SPAG16: variants seen among roughly 807,000 people sequenced by gnomAD.
SPAG16 encodes sperm-associated antigen 16 protein.
In SPAG16, 86 loss-of-function variants were observed where a neutral mutation model predicts 80.4. That is an observed-to-expected ratio of 1.07 (90% CI 0.90 to 1.28). The LOEUF (loss-of-function observed/expected upper bound fraction) is 1.28. Among genes scored for constraint, SPAG16 ranks in the 50% most tolerant of loss-of-function variants. The pLI, the probability that SPAG16 is intolerant of heterozygous loss-of-function variation, is 0.00. For missense variants in SPAG16, 870 were observed against 765.3 expected, an observed-to-expected ratio of 1.14 and a Z score of -1.61; for synonymous variants, 294 against 265.9, an observed-to-expected ratio of 1.11 and a Z score of -1.03.
intron 13 of SPAG16, among the ~76,000 whole-genome samples, chr2:214,024,036 A>T (rs1428871072): frequency 6.6e-6 from 1 of 151,694 alleles, no homozygotes; most frequent in Non-Finnish European, 1.5e-5. Context: ...TTCAATAAAG[A>T]TGGAATGTAG....
chr2:213,882,551 G>T (rs1177468467), intron 11 of SPAG16, among the ~76,000 whole-genome samples: 1 of 152,042 alleles, frequency 6.6e-6, no homozygotes, highest in African/African-American at 2.4e-5. Flanking sequence ...TTTGGTTCTA[G>T]TAAGATATAT....
intron 10 of SPAG16, among the ~76,000 whole-genome samples, chr2:213,838,582 A>G (rs911789770): frequency 2.6e-5 from 4 of 152,172 alleles, no homozygotes; most frequent in African/African-American, 9.7e-5. Context: ...AGATTTAAAG[A>G]TCTTAATTAG....
chr2:213,862,745 C>G (rs550658471), intron 11 of SPAG16, 117 bp downstream of exon 11: 19 of 1,116,300 alleles, frequency 1.7e-5, no homozygotes, highest in African/African-American at 1.2e-4. Flanking sequence ...ACACACCCTG[C>G]ACTGAATTTC....
chr2:214,222,058 A>G (rs16851621), intron 15 of SPAG16, among the ~76,000 whole-genome samples: 2,329 of 150,284 alleles, frequency 0.015, 56 homozygotes, highest in African/African-American at 0.052. Context: ...TGGTACATCT[A>G]TCTCACAGCT....
intron 11 of SPAG16, among the ~76,000 whole-genome samples, chr2:213,879,308 T>C (rs1275905468): frequency 6.6e-6 from 1 of 151,952 alleles, no homozygotes; most frequent in Non-Finnish European, 1.5e-5. Flanking sequence ...GCCCGTGTTA[T>C]CTATAATTTC....
intron 10 of SPAG16, among the ~76,000 whole-genome samples, chr2:213,683,031 A>C (rs1210824506): frequency 6.6e-6 from 1 of 152,202 alleles, no homozygotes; most frequent in Admixed American, 6.5e-5. Context: ...TCACAGCCAC[A>C]AACTGGATAT....
intron 10 of SPAG16, among the ~76,000 whole-genome samples, chr2:213,528,377 A>G (rs1474876755): frequency 6.6e-6 from 1 of 152,170 alleles, no homozygotes; most frequent in East Asian, 1.9e-4. Flanking sequence ...AGTATAATTT[A>G]ATTTTCAGAA....
intron 12 of SPAG16, among the ~76,000 whole-genome samples, chr2:213,932,173 TATATATATATATATATATATATA>T (rs2078782052): frequency 1.7e-4 from 5 of 28,598 alleles, no homozygotes; most frequent in African/African-American, 3.3e-4. Flanking sequence ...TATATATATA[TATATATATATATATATATATATA>T]TATTTGTTGT....
At chr2:213,513,807 C>T (rs143005981) in intron 10 of SPAG16, among the ~76,000 whole-genome samples, 6 of 152,224 alleles carry the variant, frequency 3.9e-5, no homozygotes, top group Admixed American at 1.3e-4. Context: ...TTAAGCTGGT[C>T]CCCTTCATAT....
At chr2:213,481,158 G>A (rs575221850) in intron 9 of SPAG16, among the ~76,000 whole-genome samples, 5 of 152,130 alleles carry the variant, frequency 3.3e-5, no homozygotes, top group African/African-American at 4.8e-5. Flanking sequence ...GTTTTGTAGA[G>A]ATTACAGAAT....
At chr2:214,186,398 G>A (rs147982944) in intron 15 of SPAG16, among the ~76,000 whole-genome samples, 1 of 152,292 alleles carries the variant, frequency 6.6e-6, no homozygotes, top group East Asian at 1.9e-4. Context: ...ATGGGCAGGG[G>A]CAGGAGAGAG....
chr2:213,407,854 A>G (rs1431231146), intron 9 of SPAG16, among the ~76,000 whole-genome samples: 3 of 135,800 alleles, frequency 2.2e-5, no homozygotes, highest in Non-Finnish European at 4.8e-5. Context: ...GGAGAGAGGC[A>G]GAGAGAGAGA....
chr2:214,096,076 AT>A (rs1166541290), intron 13 of SPAG16, among the ~76,000 whole-genome samples: 3 of 151,990 alleles, frequency 2.0e-5, no homozygotes, highest in Non-Finnish European at 4.4e-5. Flanking sequence ...AAGTATTTAA[AT>A]TTTGACTCTA....
chr2:213,371,834 A>T (rs1575406375), intron 8 of SPAG16, among the ~76,000 whole-genome samples: 2 of 152,190 alleles, frequency 1.3e-5, no homozygotes, highest in African/African-American at 4.8e-5. Flanking sequence ...AAATTCAGAC[A>T]ATGATAAAAT....
chr2:213,514,430 A>G lies in SPAG16; in HGVS notation c.1070+24340A>G, dbSNP rs141189282. ...ATCATTTAAAAATATAATTTGCTTCATTAAAAATTACTATTAGAAATTTAT... is the reference window on the plus strand; with the variant it reads ...ATCATTTAAAAATATAATTTGCTTCGTTAAAAATTACTATTAGAAATTTAT... On this transcript the variant is annotated intron_variant, in intron 10 of 15. Coordinates refer to ENST00000331683, the MANE Select transcript of SPAG16 (RefSeq NM_024532.5). Among the ~76,000 whole-genome samples the G allele has an allele frequency of 2.8e-3, 429 of 152,328 alleles. 5 individuals carry two copies. Among genetic ancestry groups the G allele is most frequent in the African/African-American group, 1.0e-2 (414 of 41,574 alleles).
chr2:213,438,641 A>G (rs1028526248), intron 9 of SPAG16, among the ~76,000 whole-genome samples: 1 of 152,216 alleles, frequency 6.6e-6, no homozygotes, highest in African/African-American at 2.4e-5. Context: ...TTATACTGTG[A>G]GCAAAACCTT....
chr2:213,914,338 G>T (rs1459696435), intron 11 of SPAG16, among the ~76,000 whole-genome samples: 1 of 152,028 alleles, frequency 6.6e-6, no homozygotes, highest in Non-Finnish European at 1.5e-5. Flanking sequence ...TTATACTTCT[G>T]TAAAAATCTT....
chr2:213,685,600 CAG>C (rs2064625671), intron 10 of SPAG16, among the ~76,000 whole-genome samples: 1 of 151,162 alleles, frequency 6.6e-6, no homozygotes, highest in South Asian at 2.1e-4. Flanking sequence ...GAAAACATAT[CAG>C]TGTAGATTGC....
At chr2:214,303,572 TTAGA>T (rs1254955001) in intron 15 of SPAG16, among the ~76,000 whole-genome samples, 15 of 152,212 alleles carry the variant, frequency 9.9e-5, no homozygotes, top group Non-Finnish European at 1.5e-4. Context: ...CACATTGACC[TTAGA>T]TAGTCTGAAG....
Sources: allele counts gnomAD v4.1 joint callset (sites outside exome capture counted in the v4.1 genomes callset), GRCh38; gene constraint gnomAD v4.1.1; transcripts MANE v1.5; gene names NCBI Gene and HGNC (gene_info 2026-07-23, HGNC 2026-07-21).